The following NMT2 variants were observed in gnomAD, a reference collection of about 807,000 sequenced individuals.
The protein encoded by NMT2 is N-myristoyltransferase 2.
Under a neutral mutation model 65.4 loss-of-function variants are expected in NMT2, and 35 were observed. The ratio of observed to expected loss-of-function variants is 0.54; its 90% CI spans 0.41 to 0.71. The LOEUF is 0.71. NMT2 is among the 30% of genes least tolerant of loss of function. NMT2 has a pLI of 0.00. For missense variants in NMT2, 489 were observed against 611.3 expected (o/e 0.80, Z 2.11); for synonymous variants, 226 against 231.8 (o/e 0.98, Z 0.23).
At chr10:15,168,410 AC>A in intron 1 of NMT2, 92 bp downstream of exon 1, 4 of 897,840 alleles carry the variant, frequency 4.5e-6, no homozygotes, top group South Asian at 2.9e-5. Context: ...CGGCCGAAGA[AC>A]CCCCAGTCCT....
At position 15,107,339 on chromosome 10, in the gene NMT2, A is replaced by G. The variant is rs991344351; in HGVS notation, c.*1856T>C. The G allele has an allele frequency of 2.9e-5, 29 of 985,282 alleles. No homozygotes were observed. In the African/African-American group the frequency reaches 3.8e-4, roughly 13 times the overall value. 61.0% of individuals were successfully genotyped at this position (985,282 alleles called of 1,614,324 possible). On this transcript the variant is annotated 3_prime_UTR_variant, in exon 12 of 12. Coordinates refer to ENST00000378165, the MANE Select transcript of NMT2 (RefSeq NM_004808.3). ...TAGTTTGGTGGCCCCTGCCTGGGAT[A>G]AGATATGATTGGTTTCACTGGACTC...
At chr10:15,130,717 A>AG (rs1846250814) in intron 6 of NMT2, among the ~76,000 whole-genome samples, 1 of 150,440 alleles carries the variant, frequency 6.6e-6, no homozygotes, top group Non-Finnish European at 1.5e-5. Flanking sequence ...AAAAAAAAAA[A>AG]AAAAAAAAAA....
Position 15,141,542 on chromosome 10 carries a change from A to G in NMT2, c.126T>C (p.Tyr42=), listed in dbSNP as rs772083566. Residue 42 remains tyrosine, a synonymous_variant, in exon 2 of 12, where the codon TAT becomes TAC. Transcript: ENST00000378165. Reference sequence around the variant, plus strand: ...TCTTCTTTTTCTTTTTGGCTCCCAAATACCCTCCAGGACTTCTGCAGGAAA... The same window carrying G: ...TCTTCTTTTTCTTTTTGGCTCCCAAGTACCCTCCAGGACTTCTGCAGGAAA... ...TEHAKGSPGG[Y]LGAKKKKKKQ... The G allele has an allele frequency of 3.1e-6, 5 of 1,612,916 alleles. No individual in the cohort carries two copies. The highest frequency in any genetic ancestry group is 4.2e-6 in the Non-Finnish European group (5 of 1,179,468).
intron 9 of NMT2, among the ~76,000 whole-genome samples, chr10:15,113,427 G>A (rs1219307640): frequency 8.1e-6 from 1 of 123,874 alleles, no homozygotes; most frequent in East Asian, 2.4e-4. Flanking sequence ...CCAAGATTGT[G>A]TCACTGCACT....
intron 1 of NMT2, among the ~76,000 whole-genome samples, chr10:15,144,041 CA>C (rs150205585): frequency 0.087 from 13,197 of 152,202 alleles, 728 homozygotes; most frequent in Middle Eastern, 0.22. Context: ...ATGAGGTTTC[CA>C]AAACTCCATT....
chr10:15,111,585 TAAAATTTTAATGGTAAA>T (rs1364665605), intron 10 of NMT2: 1 of 151,722 alleles, frequency 6.6e-6, no homozygotes, highest in Non-Finnish European at 1.5e-5. Context: ...TATATTTATG[TAAAATTTTAATGGTAAA>T]AAATTAAATT....
chr10:15,133,287 C>T lies in NMT2; in HGVS notation c.468G>A (p.Gln156=). The T allele has an allele frequency of 6.2e-7, 1 of 1,614,154 alleles. No individual in the cohort carries two copies. The highest frequency in any genetic ancestry group is 8.5e-7 in the Non-Finnish European group (1 of 1,180,002). Residue 156 remains glutamine (Q), a synonymous_variant, in exon 4 of 12, where the codon CAG becomes CAA. Coordinates refer to ENST00000378165, the MANE Select transcript of NMT2 (RefSeq NM_004808.3). ...AGTCTAAAGTGTCCCACATAAAACC[C>T]TGTGGCAAAGAATACGGTTCTTGGC... ...NVRQEPYSLP[Q]GFMWDTLDLS... is the part of the protein sequence containing the mutation.
intron 1 of NMT2, among the ~76,000 whole-genome samples, chr10:15,156,483 T>C (rs149026943): frequency 2.6e-4 from 39 of 152,274 alleles, no homozygotes; most frequent in African/African-American, 9.4e-4. Flanking sequence ...AACGGACTAA[T>C]ACGGGGCGGA....
chr10:15,160,791 G>A (rs1250560842), intron 1 of NMT2, among the ~76,000 whole-genome samples: 3 of 151,630 alleles, frequency 2.0e-5, no homozygotes, highest in African/African-American at 7.3e-5. Flanking sequence ...AAAAAATAAA[G>A]GACAGGCGAT....
intron 1 of NMT2, among the ~76,000 whole-genome samples, chr10:15,156,640 T>C (rs1833010516): frequency 6.6e-6 from 1 of 152,180 alleles, no homozygotes; most frequent in African/African-American, 2.4e-5. Flanking sequence ...GGCTCACGCC[T>C]GTAATCTAAG....
chr10:15,109,257 T>C (rs1048496681), intron 11 of NMT2, 42 bp from the exon 12 acceptor site: 1 of 1,602,408 alleles, frequency 6.2e-7, no homozygotes, highest in Non-Finnish European at 8.5e-7. Context: ...AAAATTAGAT[T>C]GCAATGTAGT....
At chr10:15,145,951 G>T (rs11259517) in intron 1 of NMT2, among the ~76,000 whole-genome samples, 56,446 of 151,890 alleles carry the variant, frequency 0.37, 12,839 homozygotes, top group African/African-American at 0.65. Flanking sequence ...GGCAAATCCA[G>T]GCCCAAGAGA....
chr10:15,142,528 C>T lies in NMT2; in HGVS notation c.111-971G>A, dbSNP rs562185125. Among the ~76,000 whole-genome samples the T allele has an allele frequency of 1.9e-3, 284 of 152,326 alleles. 1 individual carries two copies. Among genetic ancestry groups the T allele is most frequent in the African/African-American group, 6.3e-3 (262 of 41,578 alleles). On this transcript the variant is annotated intron_variant, in intron 1 of 11. Transcript: ENST00000378165. ...AGTGAGCCAAGATTGTGCCACTGCACTCTGGCCTGGGCAACAGAGCTGGAG... is the reference window on the plus strand; with the variant it reads ...AGTGAGCCAAGATTGTGCCACTGCATTCTGGCCTGGGCAACAGAGCTGGAG...
intron 7 of NMT2, among the ~76,000 whole-genome samples, chr10:15,128,663 T>C (rs1846177968): frequency 6.6e-6 from 1 of 152,244 alleles, no homozygotes; most frequent in South Asian, 2.1e-4. Flanking sequence ...CTCAGGAGTT[T>C]GTGACCTTTC....
intron 2 of NMT2, among the ~76,000 whole-genome samples, chr10:15,139,250 C>CTCTA (rs148766759): frequency 0.22 from 32,588 of 146,726 alleles, 3,574 homozygotes; most frequent in South Asian, 0.25. Context: ...ATAAACTCCC[C>CTCTA]TCTATCTATC....
chr10:15,141,038 G>A lies in NMT2; in HGVS notation c.246+384C>T, dbSNP rs1589335953. The A allele has an allele frequency of 1.9e-6, 3 of 1,550,234 alleles. 1 individual carries two copies. Among genetic ancestry groups the A allele is most frequent in the East Asian group, 4.9e-5 (2 of 40,904 alleles). On this transcript the variant is annotated intron_variant, in intron 2 of 11. Coordinates refer to ENST00000378165, the MANE Select transcript of NMT2 (RefSeq NM_004808.3). ...TGCCAGATGGTGTTGTGCTATTCAG[G>A]TAATTAGACAGACACCCAGAAAAAT...
At position 15,121,586 on chromosome 10, in the gene NMT2, C is replaced by G. The variant is rs749056477; in HGVS notation, c.1000-2073G>C. On this transcript the variant is annotated intron_variant, in intron 8 of 11. Coordinates refer to ENST00000378165, the MANE Select transcript of NMT2 (RefSeq NM_004808.3). The stretch of plus-strand genomic sequence containing the variant: ...TTCACCACGTTGGCCAGGCTGGTCT[C>G]GAATGCCTGACCTCAGGTGATCTGC... 5.3e-5 allele frequency among the ~76,000 whole-genome samples: 8 copies of G among 152,186 alleles called. No individual in the cohort carries two copies. The East Asian group carries it at 7.7e-4, about 15-fold the overall frequency.
intron 8 of NMT2, among the ~76,000 whole-genome samples, chr10:15,126,665 G>A (rs1243089246): frequency 1.3e-5 from 2 of 152,162 alleles, no homozygotes; most frequent in Non-Finnish European, 2.9e-5. Context: ...AACAACTACA[G>A]GAGCATGGAA....
rs181175162 is a variant in NMT2, at chr10:15,158,152, C to T, written c.110+10351G>A. 4.7e-3 allele frequency among the ~76,000 whole-genome samples: 709 copies of T among 152,112 alleles called. 3 individuals are homozygous for T. Among genetic ancestry groups the T allele is most frequent in the Middle Eastern group, 0.01 (3 of 294 alleles). On this transcript the variant is annotated intron_variant, in intron 1 of 11. Coordinates refer to ENST00000378165, the MANE Select transcript of NMT2 (RefSeq NM_004808.3). ...CCAACATGGCAAAAATCCATTTCTACTAAAAATACAAAAATTAGCCGGGCA... is the reference window on the plus strand; with the variant it reads ...CCAACATGGCAAAAATCCATTTCTATTAAAAATACAAAAATTAGCCGGGCA...
Sources: gnomAD v4.1 joint callset for allele counts (sites outside exome capture counted in the v4.1 genomes callset) on GRCh38, gnomAD v4.1.1 for gene constraint, MANE v1.5 for transcripts, NCBI Gene and HGNC (gene_info 2026-07-23, HGNC 2026-07-21) for gene names.